PLCH1: variants seen among roughly 807,000 people sequenced by gnomAD.
PLCH1 encodes the protein 1-phosphatidylinositol 4,5-bisphosphate phosphodiesterase eta-1.
Under a neutral mutation model 126.7 loss-of-function variants are expected in PLCH1, and 60 were observed. That is an observed-to-expected ratio of 0.47 (90% CI 0.38 to 0.59). PLCH1 has a LOEUF of 0.59. Ranked by LOEUF, PLCH1 falls within the 20% of genes least tolerant of loss-of-function variation. The pLI is 0.00. For synonymous variants in PLCH1, 719 were observed against 734.9 expected, an observed-to-expected ratio of 0.98 and a Z score of 0.35; for missense variants, 1,723 against 2,040.0, an observed-to-expected ratio of 0.84 and a Z score of 2.99.
chr3:155,526,649 G>A (rs1209716687), intron 10 of PLCH1, among the ~76,000 whole-genome samples: 3 of 152,010 alleles, frequency 2.0e-5, no homozygotes, highest in South Asian at 2.1e-4. Flanking sequence ...AAGGAATCTC[G>A]GAAGCAGAGC....
chr3:155,506,683 C>T (rs1158774351), intron 12 of PLCH1, among the ~76,000 whole-genome samples: 2 of 148,338 alleles, frequency 1.3e-5, no homozygotes, highest in South Asian at 2.2e-4. Flanking sequence ...GACATGAACT[C>T]GTCATTTTTT....
At chr3:155,513,226 T>G (rs1719845482) in intron 12 of PLCH1, among the ~76,000 whole-genome samples, 1 of 152,214 alleles carries the variant, frequency 6.6e-6, no homozygotes, top group Non-Finnish European at 1.5e-5. Context: ...GCTTGCCCAG[T>G]GAACCAAAAC....
At chr3:155,597,424 T>C (rs1371628035) in intron 2 of PLCH1, among the ~76,000 whole-genome samples, 1 of 152,164 alleles carries the variant, frequency 6.6e-6, no homozygotes, top group Non-Finnish European at 1.5e-5. Flanking sequence ...CCAGTACCCT[T>C]CCAAATATTT....
chr3:155,500,709 A>C lies in PLCH1; in HGVS notation c.1790T>G (p.Leu597Arg). 6.2e-7 allele frequency: 1 copy of C among 1,602,934 alleles called. No homozygotes were observed. Among genetic ancestry groups the C allele is most frequent in the South Asian group, 1.1e-5 (1 of 90,868 alleles). ...QQSTGKEGGQLYRLGRRRKTM... is the reference protein window; with the variant it reads ...QQSTGKEGGQRYRLGRRRKTM... The stretch of plus-strand genomic sequence containing the variant: ...CATGGAGATGCTTTCTTACCTGTAC[A>C]GCTGGCCACCCTCCTTGCCAGTACT... Residue 597 changes from leucine to arginine, a missense_variant, in exon 14 of 23, where the codon CTG becomes CGG. Leu to Arg is a moderately radical substitution (Grantham distance 102, BLOSUM62 -2). This residue lies in a region of PLCH1 where 776 missense variants were observed against 1,062.9 expected (regional missense o/e 0.73). Transcript: ENST00000460012.
At chr3:155,617,890 G>C (rs1487320950) in intron 2 of PLCH1, among the ~76,000 whole-genome samples, 1 of 152,110 alleles carries the variant, frequency 6.6e-6, no homozygotes, top group East Asian at 1.9e-4. Flanking sequence ...GGAGCCCCAA[G>C]TTAACTTTGG....
chr3:155,644,222 C>T (rs1739737981), intron 2 of PLCH1, among the ~76,000 whole-genome samples: 1 of 152,188 alleles, frequency 6.6e-6, no homozygotes, highest in Admixed American at 6.5e-5. Flanking sequence ...CAGCTCCAAC[C>T]TCTTTTTGTT....
intron 2 of PLCH1, among the ~76,000 whole-genome samples, chr3:155,650,360 A>G (rs773185513): frequency 3.3e-5 from 5 of 152,236 alleles, no homozygotes; most frequent in Non-Finnish European, 5.9e-5. Flanking sequence ...CAATAATCTA[A>G]TAGTGTCATA....
At chr3:155,537,186 CAAAAAAAAAAAAAACCA>C (rs1723470549) in intron 10 of PLCH1, among the ~76,000 whole-genome samples, 19 of 37,248 alleles carry the variant, frequency 5.1e-4, no homozygotes, top group African/African-American at 1.6e-3. Context: ...GCTAGCACTA[CAAAAAAAAAAAAAACCA>C]AAAAAAAAAA....
At chr3:155,701,520 TC>T (rs1357210102) in intron 2 of PLCH1, among the ~76,000 whole-genome samples, 14 of 152,336 alleles carry the variant, frequency 9.2e-5, no homozygotes, top group South Asian at 8.3e-4. Context: ...GGGAAATGGT[TC>T]TTTTCCATTT....
chr3:155,673,870 T>C (rs374218213), intron 2 of PLCH1, among the ~76,000 whole-genome samples: 3 of 152,194 alleles, frequency 2.0e-5, no homozygotes, highest in African/African-American at 4.8e-5. Context: ...TAGGTCAAAG[T>C]GTATTTACTG....
At chr3:155,685,178 C>T (rs901298695) in intron 2 of PLCH1, among the ~76,000 whole-genome samples, 6 of 152,098 alleles carry the variant, frequency 3.9e-5, no homozygotes, top group Admixed American at 1.3e-4. Context: ...TAAAGCAAGA[C>T]TCAGATCCCA....
At chr3:155,458,556 G>A (rs896752056) in intron 21 of PLCH1, among the ~76,000 whole-genome samples, 70 of 120,284 alleles carry the variant, frequency 5.8e-4, no homozygotes, top group African/African-American at 3.0e-3. Flanking sequence ...GAAAGAAAGA[G>A]AAAAAGAAAG....
intron 1 of PLCH1, among the ~76,000 whole-genome samples, chr3:155,724,043 G>T (rs1447018010): frequency 6.6e-6 from 1 of 150,866 alleles, no homozygotes; most frequent in Non-Finnish European, 1.5e-5. Flanking sequence ...CCATGTATTT[G>T]CATGGTTTTG....
chr3:155,519,680 C>A (rs1481581141), intron 11 of PLCH1, among the ~76,000 whole-genome samples: 1 of 149,344 alleles, frequency 6.7e-6, no homozygotes, highest in Non-Finnish European at 1.5e-5. Flanking sequence ...AAGACCCAGA[C>A]ACTGCGGTTT....
At chr3:155,704,295 G>T in intron 1 of PLCH1, 31 bp from the exon 2 acceptor site, 1 of 584,496 alleles carries the variant, frequency 1.7e-6, no homozygotes. Context: ...AGACAAAAAT[G>T]AAGAAAACGG....
chr3:155,476,726 A>C (rs1339930174), downstream of PLCH1, among the ~76,000 whole-genome samples: 1 of 152,072 alleles, frequency 6.6e-6, no homozygotes, highest in African/African-American at 2.4e-5. Flanking sequence ...TGAAAACTAT[A>C]AAACACTGAT....
intron 2 of PLCH1, among the ~76,000 whole-genome samples, chr3:155,620,188 G>A (rs536640261): frequency 6.6e-6 from 1 of 152,036 alleles, no homozygotes; most frequent in African/African-American, 2.4e-5. Flanking sequence ...TAGATAATAA[G>A]AGCAGATGTG....
In PLCH1 at chr3:155,571,070, C is replaced by T. The variant is rs377029187; in HGVS notation, c.772-2746G>A. On this transcript the variant is annotated intron_variant, in intron 6 of 22. Coordinates refer to ENST00000460012, the MANE Select transcript of PLCH1 (RefSeq NM_014996.4). ...ACTAGTCATAGATCTATAAAATACC[C>T]ATATTCTGACACTACCTATTTATCC... 2.0e-3 allele frequency among the ~76,000 whole-genome samples: 297 copies of T among 152,174 alleles called. 1 individual carries two copies. Among genetic ancestry groups the T allele is most frequent in the African/African-American group, 7.1e-3 (293 of 41,516 alleles).
At chr3:155,560,506 C>T (rs192627190) in intron 8 of PLCH1, among the ~76,000 whole-genome samples, 94 of 152,266 alleles carry the variant, frequency 6.2e-4, no homozygotes, top group African/African-American at 2.1e-3. Flanking sequence ...TACTATTGAA[C>T]GACTAAATTT....
Sources: gnomAD v4.1 joint callset for allele counts (sites outside exome capture counted in the v4.1 genomes callset) on GRCh38, gnomAD v4.1.1 for gene constraint, gnomAD v4.1.1 regional missense constraint, MANE v1.5 for transcripts, NCBI Gene and HGNC (gene_info 2026-07-23, HGNC 2026-07-21) for gene names.